Variants in KANK1 observed in about 807,000 individuals in gnomAD.
The protein encoded by KANK1 is KN motif and ankyrin repeat domains 1.
Under a neutral mutation model 106.2 loss-of-function variants are expected in KANK1, and 109 were observed. The observed-to-expected ratio is 1.03, with a 90% CI of 0.88 to 1.20. KANK1 has a LOEUF of 1.20. KANK1 is among the 50% of genes most tolerant of loss of function. The pLI is 0.00. For missense variants in KANK1, 2,399 were observed against 1,710.7 expected (o/e 1.40, Z -7.10); for synonymous variants, 873 against 652.2 (o/e 1.34, Z -5.16).
At chr9:675,100 A>C (rs1197436825) in intron 1 of KANK1, among the ~76,000 whole-genome samples, 1 of 152,216 alleles carries the variant, frequency 6.6e-6, no homozygotes, top group Non-Finnish European at 1.5e-5. Flanking sequence ...CACAGTGAAC[A>C]TTTTGGTACA....
chr9:523,202 A>G (rs1205757878), intron 1 of KANK1, among the ~76,000 whole-genome samples: 2 of 151,470 alleles, frequency 1.3e-5, no homozygotes, highest in African/African-American at 2.4e-5. Flanking sequence ...CTCAAATTCA[A>G]CGTCACCCAA....
intron 3 of KANK1, among the ~76,000 whole-genome samples, chr9:716,833 C>G (rs899303871): frequency 1.3e-5 from 2 of 152,058 alleles, no homozygotes; most frequent in Non-Finnish European, 2.9e-5. Flanking sequence ...TTTTAATTAT[C>G]TGGTCATGTT....
At chr9:504,562 T>C (rs2058638026), upstream of KANK1, 1 of 151,098 alleles carries the variant, frequency 6.6e-6, no homozygotes, top group Non-Finnish European at 1.5e-5. Context: ...GCCACAGCTG[T>C]CGCCCACCGC....
chr9:642,358 A>G (rs1469495610), intron 1 of KANK1, among the ~76,000 whole-genome samples: 1 of 150,866 alleles, frequency 6.6e-6, no homozygotes, highest in African/African-American at 2.5e-5. Flanking sequence ...CCATTTCCTC[A>G]TCCTCCCTAA....
intron 4 of KANK1, 151 bp from the exon 5 acceptor site, chr9:731,007 C>T (rs865775486): frequency 2.2e-6 from 1 of 445,022 alleles, no homozygotes; most frequent in Non-Finnish European, 4.1e-6. Context: ...TTTGCATGCA[C>T]ACACTTTCCC....
intron 8 of KANK1, among the ~76,000 whole-genome samples, chr9:738,964 G>A (rs1834576002): frequency 6.6e-6 from 1 of 152,168 alleles, no homozygotes; most frequent in East Asian, 1.9e-4. Context: ...TAGTCAAGAT[G>A]GGGACTAAGC....
In KANK1 at chr9:499,452, A is replaced by C. The variant is rs116724633; in HGVS notation, c.-362+26179A>C. Among the ~76,000 whole-genome samples, 1,054 of 152,316 alleles carry C rather than the reference A, an allele frequency of 6.9e-3. 13 individuals carry two copies. The highest frequency in any genetic ancestry group is 0.023 in the African/African-American group (960 of 41,566). On this transcript the variant is annotated intron_variant, in intron 3 of 15. Transcript: ENST00000382303. ...CCCCAGGAGCCACAGCCCCAGATGA[A>C]GCTGGCATCCCTGGGCCCAATTCCT...
intron 2 of KANK1, chr9:684,063 ACC>A (rs1818074120): frequency 1.7e-6 from 1 of 597,702 alleles, no homozygotes; most frequent in Non-Finnish European, 2.1e-6. Context: ...CTCAGAATTC[ACC>A]CAGCCCCCGG....
intron 9 of KANK1, among the ~76,000 whole-genome samples, chr9:741,844 C>T (rs1002379573): frequency 6.6e-6 from 1 of 151,910 alleles, no homozygotes; most frequent in African/African-American, 2.4e-5. Flanking sequence ...CTCTTGAACT[C>T]CTGAGCTCAG....
chr9:544,132 C>G (rs2133911594), intron 1 of KANK1, among the ~76,000 whole-genome samples: 1 of 152,084 alleles, frequency 6.6e-6, no homozygotes, highest in East Asian at 1.9e-4. Context: ...GTGATCTTCC[C>G]ACCTCAGCCT....
In KANK1 at chr9:712,362, C is replaced by A; in HGVS notation, c.1596C>A (p.Asp532Glu). 2 of 1,614,122 alleles carry A rather than the reference C, an allele frequency of 1.2e-6. No individual in the cohort carries two copies. Among genetic ancestry groups the A allele is most frequent in the Non-Finnish European group, 1.7e-6 (2 of 1,180,036 alleles). ...TRDQMVGSHM[D>E]LVDTCVGTSV... Reference sequence around the variant, plus strand: ...ACCAAATGGTCGGCAGTCACATGGACCTGGTGGACACGTGTGTTGGGACCT... The same window carrying A: ...ACCAAATGGTCGGCAGTCACATGGAACTGGTGGACACGTGTGTTGGGACCT... Residue 532 changes from aspartate (D) to glutamate (E), a missense_variant, in exon 3 of 12, where the codon GAC becomes GAA. Transcript: ENST00000382297.
At chr9:499,763 A>G (rs1332662218), upstream of KANK1, among the ~76,000 whole-genome samples, 1 of 152,224 alleles carries the variant, frequency 6.6e-6, no homozygotes, top group Admixed American at 6.5e-5. Context: ...AATAGGAGAA[A>G]TGCATACGAA....
intron 1 of KANK1, among the ~76,000 whole-genome samples, chr9:602,300 G>T (rs998729886): frequency 6.6e-6 from 1 of 151,338 alleles, no homozygotes; most frequent in African/African-American, 2.4e-5. Flanking sequence ...TCGCTCTGTT[G>T]CCAGGCTGGT....
At chr9:704,852 C>T (rs945685700) in intron 2 of KANK1, among the ~76,000 whole-genome samples, 1 of 151,380 alleles carries the variant, frequency 6.6e-6, no homozygotes, top group Non-Finnish European at 1.5e-5. Flanking sequence ...ATTAGCCAGG[C>T]GTGGTGCTAC....
At chr9:643,875 G>T (rs1839069496) in intron 1 of KANK1, among the ~76,000 whole-genome samples, 2 of 149,936 alleles carry the variant, frequency 1.3e-5, no homozygotes. Context: ...GCTAATTTTT[G>T]TATTTTTGGT....
chr9:707,275 G>A (rs973566604), intron 2 of KANK1: 1 of 969,992 alleles, frequency 1.0e-6, no homozygotes, highest in Non-Finnish European at 1.2e-6. Context: ...GGCGTGGGGC[G>A]GCCACCGCTG....
At chr9:556,734 A>G (rs1193147871) in intron 1 of KANK1, among the ~76,000 whole-genome samples, 1 of 152,066 alleles carries the variant, frequency 6.6e-6, no homozygotes, top group Admixed American at 6.6e-5. Context: ...ATGTTCCTGA[A>G]TAGTTTTAGT....
intron 3 of KANK1, among the ~76,000 whole-genome samples, chr9:481,025 C>T (rs770336138): frequency 7.2e-5 from 11 of 152,182 alleles, no homozygotes; most frequent in Non-Finnish European, 1.0e-4. Flanking sequence ...CACAGCCTAG[C>T]CTAGCCTACC....
intron 3 of KANK1, among the ~76,000 whole-genome samples, chr9:482,993 A>G (rs776523685): frequency 2.6e-5 from 4 of 152,112 alleles, no homozygotes; most frequent in African/African-American, 9.7e-5. Context: ...CACTTAGTAG[A>G]TCTGTTGGTT....
Sources: allele counts gnomAD v4.1 joint callset (sites outside exome capture counted in the v4.1 genomes callset), GRCh38; gene constraint gnomAD v4.1.1; transcripts MANE v1.5; gene names NCBI Gene and HGNC (gene_info 2026-07-23, HGNC 2026-07-21).